Variants in SCAI observed in about 807,000 individuals in gnomAD.
The protein encoded by SCAI is protein SCAI.
Under a neutral mutation model 92.2 loss-of-function variants are expected in SCAI, and 24 were observed. The ratio of observed to expected loss-of-function variants is 0.26; its 90% CI spans 0.19 to 0.37. SCAI has a LOEUF of 0.37. Among genes scored for constraint, SCAI ranks in the 10% least tolerant of loss-of-function variants. The pLI, the probability that SCAI is intolerant of heterozygous loss-of-function variation, is 1.00. For missense variants in SCAI, 450 were observed against 736.2 expected, an observed-to-expected ratio of 0.61 and a Z score of 4.50; for synonymous variants, 261 against 258.6, an observed-to-expected ratio of 1.01 and a Z score of -0.09.
intron 2 of SCAI, among the ~76,000 whole-genome samples, chr9:125,108,685 C>T (rs1227689548): frequency 6.7e-6 from 1 of 148,974 alleles, no homozygotes; most frequent in Non-Finnish European, 1.5e-5. Context: ...GCAGCCGCCC[C>T]GTCAGAGAAG....
intron 10 of SCAI, 45 bp from the exon 11 acceptor site, chr9:125,003,260 A>G (rs1158751826): frequency 2.8e-6 from 4 of 1,425,694 alleles, no homozygotes; most frequent in Non-Finnish European, 3.0e-6. Flanking sequence ...GCTGCATTTG[A>G]CAAATGAATT....
chr9:125,070,016 A>T (rs1833949656), intron 2 of SCAI, among the ~76,000 whole-genome samples: 1 of 152,224 alleles, frequency 6.6e-6, no homozygotes, highest in African/African-American at 2.4e-5. Flanking sequence ...AGCTGTAAAA[A>T]TGGAATATTA....
intron 2 of SCAI, among the ~76,000 whole-genome samples, chr9:125,097,921 G>A (rs1381266657): frequency 1.3e-5 from 2 of 151,252 alleles, no homozygotes; most frequent in South Asian, 2.1e-4. Context: ...ACATATATAA[G>A]AATGTATACA....
At position 125,013,142 on chromosome 9, in the gene SCAI, A is replaced by T. The variant is rs1370620533; in HGVS notation, c.861+5657T>A. ...GAACTAGAAAAGCGAGAGCAAACAC[A>T]TTCAAAAGCTAGCAGAAGGCAAGAA... On this transcript the variant is annotated intron_variant, in intron 9 of 17. Transcript: ENST00000336505. Among the ~76,000 whole-genome samples, 18 of 152,302 alleles carry T rather than the reference A, an allele frequency of 1.2e-4. No individual in the cohort carries two copies. The East Asian group carries it at 3.5e-3, about 29-fold the overall frequency.
chr9:125,128,993 G>A (rs1268166476), intron 2 of SCAI, among the ~76,000 whole-genome samples: 4 of 151,972 alleles, frequency 2.6e-5, no homozygotes, highest in Non-Finnish European at 4.4e-5. Context: ...AATCCAGGAG[G>A]CGGAGACTTC....
At chr9:125,066,606 C>T (rs1186947253) in intron 2 of SCAI, among the ~76,000 whole-genome samples, 1 of 152,044 alleles carries the variant, frequency 6.6e-6, no homozygotes, top group African/African-American at 2.4e-5. Context: ...CAGGTGCCTG[C>T]CACCGCGCCC....
intron 14 of SCAI, among the ~76,000 whole-genome samples, chr9:124,984,365 G>A (rs1048540686): frequency 6.6e-6 from 1 of 152,164 alleles, no homozygotes; most frequent in African/African-American, 2.4e-5. Context: ...GGCCATTGGT[G>A]ATTTTGAGTA....
intron 3 of SCAI, among the ~76,000 whole-genome samples, chr9:125,045,253 A>G (rs917290615): frequency 2.0e-5 from 3 of 152,102 alleles, no homozygotes; most frequent in Non-Finnish European, 2.9e-5. Context: ...TTTAGTAGAG[A>G]TGGGGTTTCG....
chr9:125,084,688 G>A (rs1834291704), intron 2 of SCAI, among the ~76,000 whole-genome samples: 1 of 152,120 alleles, frequency 6.6e-6, no homozygotes, highest in African/African-American at 2.4e-5. Flanking sequence ...TTCCCTTTCC[G>A]TAGAATGCAT....
chr9:125,052,641 A>G (rs1028152114), intron 3 of SCAI, among the ~76,000 whole-genome samples: 2 of 152,160 alleles, frequency 1.3e-5, no homozygotes, highest in African/African-American at 4.8e-5. Context: ...AGAAAGAAAG[A>G]AAGTAAAAGA....
At chr9:125,024,113 T>C (rs1832920549) in intron 6 of SCAI, among the ~76,000 whole-genome samples, 1 of 152,120 alleles carries the variant, frequency 6.6e-6, no homozygotes, top group South Asian at 2.1e-4. Context: ...CTGCCTTCTA[T>C]TGTAATAATC....
intron 3 of SCAI, among the ~76,000 whole-genome samples, chr9:125,052,958 A>T (rs1675252808): frequency 6.6e-6 from 1 of 152,108 alleles, no homozygotes; most frequent in African/African-American, 2.4e-5. Flanking sequence ...GAGAAACTAG[A>T]ACACATTACT....
Position 124,952,735 on chromosome 9 carries a change from A to C in SCAI, c.*72T>G. 7.8e-7 allele frequency: 1 copy of C among 1,289,082 alleles called. No individual in the cohort carries two copies. The highest frequency in any genetic ancestry group is 2.3e-5 in the East Asian group (1 of 42,836). 79.9% of individuals were successfully genotyped at this position (1,289,082 alleles called of 1,614,324 possible). Reference sequence around the variant, plus strand: ...ACTAAGTAACACCACTATGTGTCTTATCACGTTAGAAAACTGCACCATTTA... The same window carrying C: ...ACTAAGTAACACCACTATGTGTCTTCTCACGTTAGAAAACTGCACCATTTA... On this transcript the variant is annotated 3_prime_UTR_variant, in exon 18 of 18. Transcript: ENST00000336505.
At chr9:124,968,783 C>T (rs1007094339) in intron 17 of SCAI, 2 of 856,182 alleles carry the variant, frequency 2.3e-6, no homozygotes, top group Admixed American at 1.9e-5. Flanking sequence ...GTGCGCAGGC[C>T]ACGGCGATTC....
chr9:124,947,864 G>A lies in SCAI; in HGVS notation c.*4943C>T, dbSNP rs1486415618. Reference sequence around the variant, plus strand: ...ATTCATATCAAATCTTTTACTCAGGGTGGGGAGGTGGTTTTGAATCACTGG... The same window carrying A: ...ATTCATATCAAATCTTTTACTCAGGATGGGGAGGTGGTTTTGAATCACTGG... On this transcript the variant is annotated 3_prime_UTR_variant, in exon 18 of 18. Transcript: ENST00000336505. 2 of 152,156 alleles carry A rather than the reference G, an allele frequency of 1.3e-5. No individual in the cohort carries two copies. The highest frequency in any genetic ancestry group is 2.9e-5 in the Non-Finnish European group (2 of 68,044). 9.4% of individuals were successfully genotyped at this position (152,156 alleles called of 1,614,324 possible). A position where few individuals can be genotyped will look rare whatever the true frequency, so the allele number is the denominator to read the frequency against.
intron 2 of SCAI, among the ~76,000 whole-genome samples, chr9:125,065,672 G>A (rs925928580): frequency 6.6e-6 from 1 of 152,152 alleles, no homozygotes; most frequent in Admixed American, 6.5e-5. Context: ...AATGAGTATA[G>A]ATACAAATAT....
chr9:124,968,460 A>T, intron 17 of SCAI: 1 of 985,146 alleles, frequency 1.0e-6, no homozygotes, highest in Non-Finnish European at 1.6e-6. Flanking sequence ...TGGAGAAGAT[A>T]ACCAGATTTG....
rs549585396 is a variant in SCAI at position 125,051,412 on chromosome 9, A to C, written c.230+4464T>G. Reference sequence around the variant, plus strand: ...ATTTGCTTATCCACTCTTCCAGGTGACAGATCAAAATTTATCATTATTAGT... The same window carrying C: ...ATTTGCTTATCCACTCTTCCAGGTGCCAGATCAAAATTTATCATTATTAGT... On this transcript the variant is annotated intron_variant, in intron 3 of 17. Transcript: ENST00000336505. Among the ~76,000 whole-genome samples, 3 of 152,350 alleles carry C rather than the reference A, an allele frequency of 2.0e-5. No homozygotes were observed. In the East Asian group the frequency reaches 5.8e-4, roughly 29 times the overall value.
intron 2 of SCAI, among the ~76,000 whole-genome samples, chr9:125,098,361 T>C (rs1457403672): frequency 6.6e-6 from 1 of 152,148 alleles, no homozygotes. Context: ...CCAGCACATA[T>C]TTAGAACATG....
Sources: allele counts gnomAD v4.1 joint callset (sites outside exome capture counted in the v4.1 genomes callset), GRCh38; gene constraint gnomAD v4.1.1; transcripts MANE v1.5; gene names NCBI Gene and HGNC (gene_info 2026-07-23, HGNC 2026-07-21).